EPB41L3: variants seen among roughly 807,000 people sequenced by gnomAD.
EPB41L3 encodes erythrocyte membrane protein band 4.1 like 3, also known as band 4.1-like protein 3.
EPB41L3 carries 57 observed loss-of-function variants against 127.1 expected under a neutral mutation model. The observed-to-expected ratio is 0.45, with a 90% CI of 0.36 to 0.56. The LOEUF (loss-of-function observed/expected upper bound fraction) is 0.56, where lower values mean the gene tolerates loss of function less well. EPB41L3 is among the 20% of genes least tolerant of loss of function. The pLI, the probability that EPB41L3 is intolerant of heterozygous loss-of-function variation, is 0.00. For missense variants in EPB41L3, 1,273 were observed against 1,372.2 expected, an observed-to-expected ratio of 0.93 and a Z score of 1.14; for synonymous variants, 572 against 549.5, an observed-to-expected ratio of 1.04 and a Z score of -0.57.
At chr18:5,537,872 T>C (rs758093062) in intron 1 of EPB41L3, among the ~76,000 whole-genome samples, 8 of 152,180 alleles carry the variant, frequency 5.3e-5, no homozygotes, top group Non-Finnish European at 7.3e-5. Flanking sequence ...GATCCTTTTA[T>C]AGGAAACAAT....
chr18:5,425,173 A>G lies in EPB41L3; in HGVS notation c.1066-814T>C, dbSNP rs140592228. Among the ~76,000 whole-genome samples, 37 of 152,340 alleles carry G rather than the reference A, an allele frequency of 2.4e-4. 1 individual carries two copies. The East Asian group carries it at 7.1e-3, about 29-fold the overall frequency. Reference sequence around the variant, plus strand: ...AGAGCACACAATGGGTACTACTGCTATAATCAATAGCAAAAATCATTTATA... The same window carrying G: ...AGAGCACACAATGGGTACTACTGCTGTAATCAATAGCAAAAATCATTTATA... On this transcript the variant is annotated intron_variant, in intron 9 of 22. Coordinates refer to ENST00000341928, the MANE Select transcript of EPB41L3 (RefSeq NM_012307.5).
intron 16 of EPB41L3, among the ~76,000 whole-genome samples, chr18:5,405,722 G>A (rs2075265158): frequency 6.6e-6 from 1 of 151,638 alleles, no homozygotes; most frequent in Admixed American, 6.6e-5. Context: ...AACCCAGGAG[G>A]CGGAGGTCAC....
intron 3 of EPB41L3, among the ~76,000 whole-genome samples, chr18:5,461,250 T>C (rs2083946382): frequency 1.3e-5 from 2 of 152,206 alleles, no homozygotes; most frequent in African/African-American, 4.8e-5. Context: ...CTTTATTTGC[T>C]GTCACCATGG....
chr18:5,449,345 T>C (rs1470859092), intron 3 of EPB41L3, among the ~76,000 whole-genome samples: 1 of 152,198 alleles, frequency 6.6e-6, no homozygotes, highest in Admixed American at 6.5e-5. Flanking sequence ...GTGCTGGTGA[T>C]GATGTGGAGC....
Position 5,398,135 on chromosome 18 carries a change from C to G in EPB41L3, c.2358G>C (p.Gln786His), listed in dbSNP as rs147008674. Residue 786 changes from glutamine to histidine, a missense_variant, in exon 17 of 23, where the codon CAG becomes CAC. By Grantham distance (24) the Gln-to-His change is conservative. Transcript: ENST00000341928. ...IEPLVPEETK[Q>H]SSGEKLMDGS... is the part of the protein sequence containing the mutation. ...CATCCATGAGCTTTTCCCCAGAAGACTGCTTAGTCTGAGTGAACAAAGAGA... is the reference window on the plus strand; with the variant it reads ...CATCCATGAGCTTTTCCCCAGAAGAGTGCTTAGTCTGAGTGAACAAAGAGA... 2,692 of 1,614,070 alleles carry G rather than the reference C, an allele frequency of 1.7e-3. 8 individuals are homozygous for G. The highest frequency in any genetic ancestry group is 1.7e-3 in the Non-Finnish European group (2,020 of 1,180,012).
intron 3 of EPB41L3, among the ~76,000 whole-genome samples, chr18:5,558,879 T>C (rs1392807502): frequency 1.3e-5 from 2 of 152,356 alleles, no homozygotes; most frequent in South Asian, 4.1e-4. Flanking sequence ...ACATTCATAT[T>C]CTACAAGTGT....
chr18:5,602,890 T>G (rs1392019505), intron 3 of EPB41L3, among the ~76,000 whole-genome samples: 1 of 152,224 alleles, frequency 6.6e-6, no homozygotes, highest in Non-Finnish European at 1.5e-5. Flanking sequence ...GATTTTAGAA[T>G]AAATTTCTCT....
chr18:5,496,238 T>G (rs896275182), intron 1 of EPB41L3, among the ~76,000 whole-genome samples: 2 of 152,170 alleles, frequency 1.3e-5, no homozygotes, highest in East Asian at 3.9e-4. Flanking sequence ...TAGAGAGAGA[T>G]ATGGTGACTA....
intron 1 of EPB41L3, among the ~76,000 whole-genome samples, chr18:5,628,159 G>C (rs1166033512): frequency 6.6e-6 from 1 of 152,244 alleles, no homozygotes; most frequent in African/African-American, 2.4e-5. Flanking sequence ...TGCGGGGCCC[G>C]TCGGTAACTG....
At chr18:5,610,814 A>G (rs1451525599) in intron 3 of EPB41L3, among the ~76,000 whole-genome samples, 1 of 152,254 alleles carries the variant, frequency 6.6e-6, no homozygotes, top group African/African-American at 2.4e-5. Context: ...TTATCTTTTT[A>G]TAGAGGCCCA....
At chr18:5,478,541 G>A (rs1461982924) in intron 2 of EPB41L3, 103 bp from the exon 3 acceptor site, 1 of 983,852 alleles carries the variant, frequency 1.0e-6, no homozygotes, top group African/African-American at 1.6e-5. Context: ...ATAGAGGAGA[G>A]GTATTGAATT....
chr18:5,486,438 T>C (rs1015550524), intron 2 of EPB41L3, among the ~76,000 whole-genome samples: 3 of 152,148 alleles, frequency 2.0e-5, no homozygotes, highest in African/African-American at 7.2e-5. Flanking sequence ...AAAGTTTTTT[T>C]TGTGTATAAG....
intron 1 of EPB41L3, among the ~76,000 whole-genome samples, chr18:5,508,002 T>G (rs1431056553): frequency 6.6e-6 from 1 of 152,152 alleles, no homozygotes; most frequent in Non-Finnish European, 1.5e-5. Context: ...AAATCTGAGC[T>G]TGGGAGATAA....
chr18:5,493,327 G>T (rs559408330), intron 1 of EPB41L3, among the ~76,000 whole-genome samples: 8 of 152,170 alleles, frequency 5.3e-5, no homozygotes, highest in Non-Finnish European at 1.2e-4. Flanking sequence ...TTTCATAAAA[G>T]AAAACGTCTT....
intron 1 of EPB41L3, among the ~76,000 whole-genome samples, chr18:5,626,012 C>T (rs1468897726): frequency 6.6e-6 from 1 of 151,348 alleles, no homozygotes; most frequent in Non-Finnish European, 1.5e-5. Context: ...TGACTGAAAT[C>T]GCACCCAATC....
intron 1 of EPB41L3, among the ~76,000 whole-genome samples, chr18:5,535,737 T>C (rs1484745707): frequency 6.6e-6 from 1 of 152,132 alleles, no homozygotes; most frequent in East Asian, 1.9e-4. Context: ...GAAGACTGGA[T>C]TCCAAGTAAA....
chr18:5,561,088 C>G (rs926969464), intron 3 of EPB41L3, among the ~76,000 whole-genome samples: 1 of 148,604 alleles, frequency 6.7e-6, no homozygotes, highest in African/African-American at 2.5e-5. Flanking sequence ...CGCCATTCTC[C>G]TGCCTCAGCC....
intron 1 of EPB41L3, among the ~76,000 whole-genome samples, chr18:5,510,325 A>G (rs544334162): frequency 6.6e-6 from 1 of 152,288 alleles, no homozygotes; most frequent in African/African-American, 2.4e-5. Context: ...ATCATCCCTT[A>G]CATAAAACCA....
rs568402199 is a variant in EPB41L3, at chr18:5,400,267, A to AATAT, written c.2350-2128_2350-2125dup. 3.5e-3 allele frequency: 853 copies of AATAT among 242,606 alleles called. 8 individuals are homozygous for AATAT. Among genetic ancestry groups the AATAT allele is most frequent in the Middle Eastern group, 0.029 (18 of 614 alleles). 15.0% of individuals were successfully genotyped at this position (242,606 alleles called of 1,614,324 possible). The stretch of plus-strand genomic sequence containing the variant: ...TTTTGTATTCAGGGAGGCATAATAC[A>AATAT]ATATGACCAGGTAGGTTAATAGCTT... On this transcript the variant is annotated intron_variant, in intron 16 of 22. Coordinates refer to ENST00000341928, the MANE Select transcript of EPB41L3 (RefSeq NM_012307.5).
Sources: allele counts gnomAD v4.1 joint callset (sites outside exome capture counted in the v4.1 genomes callset), GRCh38; gene constraint gnomAD v4.1.1; transcripts MANE v1.5; gene names NCBI Gene and HGNC (gene_info 2026-07-23, HGNC 2026-07-21).